The following KLRC4 variants were observed in gnomAD, a reference collection of about 807,000 sequenced individuals.
The protein encoded by KLRC4 is NKG2-F type II integral membrane protein.
In KLRC4, 6 loss-of-function variants were observed where a neutral mutation model predicts 14.3. That is an observed-to-expected ratio of 0.42 (90% CI 0.23 to 0.83). The LOEUF (loss-of-function observed/expected upper bound fraction) is 0.83. Among genes scored for constraint, KLRC4 ranks in the 40% least tolerant of loss-of-function variants. KLRC4 has a pLI of 0.29. For missense variants in KLRC4, 158 were observed against 179.4 expected (o/e 0.88, Z 0.68); for synonymous variants, 53 against 60.5 (o/e 0.88, Z 0.57).
At chr12:10,408,227 G>T in intron 3 of KLRC4, 102 bp downstream of exon 3, 3 of 729,098 alleles carry the variant, frequency 4.1e-6, no homozygotes, top group Non-Finnish European at 4.7e-6. Context: ...ATGGCTCATT[G>T]TTATAGTTTA....
intron 3 of KLRC4, among the ~76,000 whole-genome samples, chr12:10,408,040 C>T (rs911007203): frequency 6.6e-6 from 1 of 152,074 alleles, no homozygotes; most frequent in African/African-American, 2.4e-5. Context: ...TTAAACATCA[C>T]TGAACAAAAC....
chr12:10,407,921 A>C (rs540232192), intron 3 of KLRC4, 132 bp from the exon 4 acceptor site: 2 of 1,270,958 alleles, frequency 1.6e-6, no homozygotes, highest in African/African-American at 3.0e-5. Context: ...ATATATTTTA[A>C]AATAACGAGT....
At position 10,407,767 on chromosome 12, in the gene KLRC4, A is replaced by G. The variant is rs1266945097; in HGVS notation, c.363T>C (p.Pro121=). The change falls in exon 4 of 4, where the codon CCT becomes CCC. Residue 121 remains proline (P), a synonymous_variant. Coordinates refer to ENST00000309384, the MANE Select transcript of KLRC4 (RefSeq NM_013431.2). ...MQKARHCGHC[P]EEWITYSNSC... ...TGTTGGAATATGTAATCCACTCCTC[A>G]GGACAATGGCCACAATGACGTGCTA... 1 of 1,610,468 alleles carries G rather than the reference A, an allele frequency of 6.2e-7. No homozygotes were observed. Among genetic ancestry groups the G allele is most frequent in the Non-Finnish European group, 8.5e-7 (1 of 1,178,710 alleles).
At chr12:10,408,498 TA>T in intron 2 of KLRC4, 116 bp from the exon 3 acceptor site, 1 of 604,380 alleles carries the variant, frequency 1.7e-6, no homozygotes, top group South Asian at 2.3e-5. Flanking sequence ...CAATCTGAAA[TA>T]AAAATGACTT....
At chr12:10,407,970 A>G (rs1447412335) in intron 3 of KLRC4, among the ~76,000 whole-genome samples, 181 bp from the exon 4 acceptor site, 1 of 152,120 alleles carries the variant, frequency 6.6e-6, no homozygotes, top group African/African-American at 2.4e-5. Flanking sequence ...TCCACCTCTC[A>G]TCCCTTAATT....
At position 10,409,436 on chromosome 12, in the gene KLRC4, T is replaced by A; in HGVS notation, c.140A>T (p.Asn47Ile). ...EIFQVELNLQ[N>I]ASSDHQGNDK... ...ATTCCCTTGATGATCCGAAGAAGCATTTTGAAGGTTTAATTCTACTTGGAA... is the reference window on the plus strand; with the variant it reads ...ATTCCCTTGATGATCCGAAGAAGCAATTTGAAGGTTTAATTCTACTTGGAA... Residue 47 changes from asparagine to isoleucine, a missense_variant, in exon 1 of 4, where the codon AAT (asparagine) becomes ATT (isoleucine). Physicochemically the swap from Asn to Ile is moderately radical, Grantham distance 149. Transcript: ENST00000309384. 1.9e-6 allele frequency: 3 copies of A among 1,613,310 alleles called. No homozygotes were observed. The highest frequency in any genetic ancestry group is 2.5e-6 in the Non-Finnish European group (3 of 1,179,230).
intron 2 of KLRC4, 63 bp from the exon 3 acceptor site, chr12:10,408,445 G>C: frequency 1.3e-6 from 1 of 790,988 alleles, no homozygotes; most frequent in Non-Finnish European, 2.1e-6. Context: ...AAATTCAGTT[G>C]CTTACTTTGA....
At chr12:10,408,670 A>T (rs1169775398) in intron 2 of KLRC4, among the ~76,000 whole-genome samples, 1 of 152,066 alleles carries the variant, frequency 6.6e-6, no homozygotes, top group Admixed American at 6.5e-5. Flanking sequence ...TGAAATCAGA[A>T]TACATCTCTC....
rs1046539178 is a variant in KLRC4 at position 10,407,655 on chromosome 12, A to G, written c.475T>C (p.Ter159GlnextTer7). Residue 159 changes from the stop codon to glutamine, a stop_lost, in exon 4 of 4, where the codon TAG (stop) becomes CAG (glutamine). Coordinates refer to ENST00000309384, the MANE Select transcript of KLRC4 (RefSeq NM_013431.2). Reference sequence around the variant, plus strand: ...TCTTACCATTTCTTCCTCATTATCTATAGAAAGCAGATCAGAGTTCTTCGA... The same window carrying G: ...TCTTACCATTTCTTCCTCATTATCTGTAGAAAGCAGATCAGAGTTCTTCGA... ...VLRRTLICFL[*>Q] 2.1e-5 allele frequency: 34 copies of G among 1,613,062 alleles called. No individual in the cohort carries two copies. The highest frequency in any genetic ancestry group is 5.0e-5 in the Admixed American group (3 of 59,820).
rs767805673 is a variant in KLRC4, at chr12:10,408,401, T to G, written c.287-19A>C. The G allele has an allele frequency of 6.3e-6, 8 of 1,260,048 alleles. No individual in the cohort carries two copies. The highest frequency in any genetic ancestry group is 3.0e-5 in the African/African-American group (2 of 66,928). The allele number at this position is 1,260,048 out of a possible 1,614,324, so 78.1% of individuals were successfully genotyped here. ...CCAATACCTAGAAAAATTAAAGTGA[T>G]TCTTACAAAATTAATATCTAGACAA... On this transcript the variant is annotated intron_variant, in intron 2 of 3. Transcript: ENST00000309384.
Position 10,408,359 on chromosome 12 carries a change from T to C in KLRC4, c.310A>G (p.Asn104Asp), listed in dbSNP as rs759204183. Residue 104 changes from asparagine (N) to aspartate (D), a missense_variant, in exon 3 of 4, where the codon AAT becomes GAT. Physicochemically the swap from Asn to Asp is conservative, Grantham distance 23. Coordinates refer to ENST00000309384, the MANE Select transcript of KLRC4 (RefSeq NM_013431.2). Reference protein sequence around the residue: ...IPCIGVLEQNNFSLNRRMQKA... With the variant: ...IPCIGVLEQNDFSLNRRMQKA... Reference sequence around the variant, plus strand: ...TGCATTCTTCTATTCAGGGAAAAATTGTTCTGCTCCAGTACTCCAATACCT... The same window carrying C: ...TGCATTCTTCTATTCAGGGAAAAATCGTTCTGCTCCAGTACTCCAATACCT... The C allele has an allele frequency of 1.3e-6, 2 of 1,486,372 alleles. No homozygotes were observed. Among genetic ancestry groups the C allele is most frequent in the Non-Finnish European group, 1.9e-6 (2 of 1,070,184 alleles). The allele number at this position is 1,486,372 out of a possible 1,614,324, so 92.1% of individuals were successfully genotyped here. A position where few individuals can be genotyped will look rare whatever the true frequency, so the allele number is the denominator to read the frequency against.
At position 10,407,423 on chromosome 12, in the gene KLRC4, T is replaced by C. The variant is rs553060292; in HGVS notation, c.*230A>G. On this transcript the variant is annotated 3_prime_UTR_variant, in exon 4 of 4. Coordinates refer to ENST00000309384, the MANE Select transcript of KLRC4 (RefSeq NM_013431.2). ...ATTTATTTTGTGATAAAAACATTTA[T>C]AGAAGCATGGGTTTCCATGAAAAGC... is the stretch of plus-strand genomic sequence containing the variant. 3.4e-4 allele frequency: 155 copies of C among 454,730 alleles called. 3 individuals carry two copies. The South Asian group carries it at 6.2e-3, about 18-fold the overall frequency. 28.2% of individuals were successfully genotyped at this position (454,730 alleles called of 1,614,324 possible).
At position 10,409,037 on chromosome 12, in the gene KLRC4, A is replaced by G. The variant is rs1023569899; in HGVS notation, c.188-27T>C. The G allele has an allele frequency of 4.3e-6, 7 of 1,612,756 alleles. No homozygotes were observed. The East Asian group carries it at 1.3e-4, about 31-fold the overall frequency. ...TGCAGGGAGAGAAAGAGGCACTGAG[A>G]GAGGGGAGATAGAGAGTTGATGAGA... On this transcript the variant is annotated intron_variant, in intron 1 of 3. Coordinates refer to ENST00000309384, the MANE Select transcript of KLRC4 (RefSeq NM_013431.2).
rs765844942 is a variant in KLRC4, at chr12:10,409,548, C to T, written c.28G>A (p.Glu10Lys). Residue 10 changes from glutamate (E) to lysine (K), a missense_variant, in exon 1 of 4, where the codon GAA becomes AAA. Transcript: ENST00000309384. MNKQRGTYS[E>K]VSLAQDPKRQ... ...TTTGGGTCCTGGGCCAGACTCACTTCTGAGTAGGTTCCTCTTTGTTTATTC... is the reference window on the plus strand; with the variant it reads ...TTTGGGTCCTGGGCCAGACTCACTTTTGAGTAGGTTCCTCTTTGTTTATTC... The T allele has an allele frequency of 6.2e-7, 1 of 1,613,542 alleles. No homozygotes were observed. The highest frequency in any genetic ancestry group is 8.5e-7 in the Non-Finnish European group (1 of 1,179,812).
At chr12:10,409,086 C>G in intron 1 of KLRC4, 76 bp from the exon 2 acceptor site, 1 of 1,485,612 alleles carries the variant, frequency 6.7e-7, no homozygotes. Flanking sequence ...AGAGAACTCA[C>G]GTGCACAGGA....
In KLRC4 at chr12:10,407,565, G is replaced by A; in HGVS notation, c.*88C>T. On this transcript the variant is annotated 3_prime_UTR_variant, in exon 4 of 4. Coordinates refer to ENST00000309384, the MANE Select transcript of KLRC4 (RefSeq NM_013431.2). ...GAAGTAAATATATGTATAAACATAT[G>A]GATGATTTCTACAAATATGATATTG... 3 of 1,451,102 alleles carry A rather than the reference G, an allele frequency of 2.1e-6. No homozygotes were observed. The Admixed American group carries it at 6.1e-5, about 29-fold the overall frequency. The allele number at this position is 1,451,102 out of a possible 1,614,324, so 89.9% of individuals were successfully genotyped here. A position where few individuals can be genotyped will look rare whatever the true frequency, so the allele number is the denominator to read the frequency against.
At chr12:10,407,892 T>C in intron 3 of KLRC4, 103 bp from the exon 4 acceptor site, 1 of 1,412,452 alleles carries the variant, frequency 7.1e-7, no homozygotes, top group Middle Eastern at 2.6e-4. Flanking sequence ...AATATCTGCA[T>C]CCTCATAAGT....
intron 3 of KLRC4, 81 bp from the exon 4 acceptor site, chr12:10,407,870 A>G: frequency 2.0e-6 from 3 of 1,504,028 alleles, no homozygotes; most frequent in South Asian, 1.4e-5. Flanking sequence ...AGCTATAAAC[A>G]TACAGGTACA....
rs750608615 is a variant in KLRC4, at chr12:10,408,958, G to A, written c.240C>T (p.Cys80=). Residue 80 remains cysteine, a synonymous_variant, in exon 2 of 4, where the codon TGC becomes TGT. Coordinates refer to ENST00000309384, the MANE Select transcript of KLRC4 (RefSeq NM_013431.2). ...TTAACACAGTGGCCATCAGGACAAT[G>A]CAAATGATTCCTAGGACCTCAGCAG... ...KLTAEVLGII[C]IVLMATVLKT... The A allele has an allele frequency of 6.2e-7, 1 of 1,613,794 alleles. No individual in the cohort carries two copies. Among genetic ancestry groups the A allele is most frequent in the Non-Finnish European group, 8.5e-7 (1 of 1,179,752 alleles).
Sources: gnomAD v4.1 joint callset for allele counts (sites outside exome capture counted in the v4.1 genomes callset) on GRCh38, gnomAD v4.1.1 for gene constraint, MANE v1.5 for transcripts, NCBI Gene and HGNC (gene_info 2026-07-23, HGNC 2026-07-21) for gene names.